STX7: variants seen among roughly 807,000 people sequenced by gnomAD.
STX7 encodes syntaxin-7.
STX7 carries 34 observed loss-of-function variants against 39.6 expected under a neutral mutation model. The ratio of observed to expected loss-of-function variants is 0.86; its 90% confidence interval spans 0.65 to 1.14. The LOEUF is 1.14. Ranked by LOEUF, STX7 falls within the 50% of genes most tolerant of loss-of-function variation. The probability of loss-of-function intolerance (pLI) is 0.00; values close to 1 mark genes in which losing one functional copy is unlikely to be tolerated. For missense variants in STX7, 284 were observed against 310.4 expected (o/e 0.92, Z 0.64); for synonymous variants, 119 against 99.1 (o/e 1.20, Z -1.19).
chr6:132,512,721 G>C (rs1012898480), intron 1 of STX7, among the ~76,000 whole-genome samples: 2 of 152,130 alleles, frequency 1.3e-5, no homozygotes, highest in African/African-American at 2.4e-5. Context: ...GCTCTGCCCA[G>C]GGGACCGCGG....
Position 132,447,055 on chromosome 6 carries a change from T to C in STX7, c.*13703A>G, listed in dbSNP as rs879713881. On this transcript the variant is annotated 3_prime_UTR_variant, in exon 10 of 10. Transcript: ENST00000367941. ...ATTTTTATGATGGCTCAGCGGAAAATTAGTAAATACAACCAGTGTGTTAGA... is the reference window on the plus strand; with the variant it reads ...ATTTTTATGATGGCTCAGCGGAAAACTAGTAAATACAACCAGTGTGTTAGA... 9 of 152,098 alleles carry C rather than the reference T, an allele frequency of 5.9e-5. No homozygotes were observed. Among genetic ancestry groups the C allele is most frequent in the African/African-American group, 2.2e-4 (9 of 41,420 alleles). The allele number at this position is 152,098 out of a possible 1,614,324, so 9.4% of individuals were successfully genotyped here.
At chr6:132,473,476 G>C (rs1774787217) in intron 3 of STX7, among the ~76,000 whole-genome samples, 1 of 144,722 alleles carries the variant, frequency 6.9e-6, no homozygotes, top group Non-Finnish European at 1.5e-5. Flanking sequence ...TATGTAAATA[G>C]TTGCTATATT....
intron 8 of STX7, 144 bp downstream of exon 8, chr6:132,468,259 T>C: frequency 3.0e-6 from 2 of 662,150 alleles, no homozygotes; most frequent in Non-Finnish European, 5.4e-6. Context: ...AGGGTGATGC[T>C]TACTGTGTTT....
intron 2 of STX7, among the ~76,000 whole-genome samples, chr6:132,496,264 T>G (rs1310441939): frequency 6.6e-6 from 1 of 152,116 alleles, no homozygotes; most frequent in East Asian, 1.9e-4. Context: ...GGTTATTATT[T>G]TAAAAAAAAA....
At chr6:132,471,007 AT>A (rs1774703951) in intron 5 of STX7, among the ~76,000 whole-genome samples, 1 of 152,190 alleles carries the variant, frequency 6.6e-6, no homozygotes. Context: ...TCAAAATTCT[AT>A]TGTAAAGCTT....
chr6:132,470,347 T>A (rs978012632), intron 6 of STX7, among the ~76,000 whole-genome samples: 1 of 152,152 alleles, frequency 6.6e-6, no homozygotes, highest in African/African-American at 2.4e-5. Flanking sequence ...AATGTCTATA[T>A]TAATAATTAA....
intron 2 of STX7, among the ~76,000 whole-genome samples, chr6:132,498,831 A>C (rs1352314501): frequency 3.3e-5 from 5 of 152,234 alleles, no homozygotes; most frequent in African/African-American, 9.6e-5. Context: ...ATTTTTAACA[A>C]TACTTTATCT....
chr6:132,480,074 C>T (rs1037808301), intron 2 of STX7, among the ~76,000 whole-genome samples: 1 of 152,094 alleles, frequency 6.6e-6, no homozygotes, highest in Admixed American at 6.6e-5. Context: ...TGTGGCCCGT[C>T]CCCACTCCCC....
chr6:132,476,823 G>T (rs953108524), intron 2 of STX7, among the ~76,000 whole-genome samples: 38 of 152,006 alleles, frequency 2.5e-4, no homozygotes, highest in African/African-American at 8.5e-4. Context: ...AAAAGGGGAG[G>T]ACCTACAGTT....
At chr6:132,512,836 C>A (rs1775887126) in intron 1 of STX7, among the ~76,000 whole-genome samples, 171 bp downstream of exon 1, 1 of 152,152 alleles carries the variant, frequency 6.6e-6, no homozygotes, top group Non-Finnish European at 1.5e-5. Flanking sequence ...GAGCCGCAGG[C>A]GCTCCGGGAG....
chr6:132,506,560 C>T (rs1775710165), intron 1 of STX7, among the ~76,000 whole-genome samples: 1 of 152,072 alleles, frequency 6.6e-6, no homozygotes, highest in East Asian at 1.9e-4. Context: ...CATCATCTCA[C>T]AACAGTCAGA....
chr6:132,490,034 A>G (rs1195614707), intron 2 of STX7, among the ~76,000 whole-genome samples: 1 of 152,208 alleles, frequency 6.6e-6, no homozygotes, highest in African/African-American at 2.4e-5. Context: ...TATTCATCCT[A>G]ACATTTTTCA....
chr6:132,486,741 ACT>A (rs1294410311), intron 2 of STX7, among the ~76,000 whole-genome samples: 1 of 138,258 alleles, frequency 7.2e-6, no homozygotes, highest in Non-Finnish European at 1.5e-5. Flanking sequence ...ACCTCAGCTT[ACT>A]GGAACCTCCT....
At chr6:132,468,575 G>A (rs1475454459) in intron 7 of STX7, 100 bp from the exon 8 acceptor site, 6 of 721,108 alleles carry the variant, frequency 8.3e-6, no homozygotes, top group South Asian at 3.7e-5. Flanking sequence ...ACACATGGGT[G>A]AGCATGCATC....
At position 132,454,913 on chromosome 6, in the gene STX7, A is replaced by G. The variant is rs1044420080; in HGVS notation, c.*5845T>C. ...AAAATAGTACTTAAATGTTAAAACT[A>G]TGATAACCTTTATGAGGCTGAACAT... On this transcript the variant is annotated 3_prime_UTR_variant, in exon 10 of 10. Transcript: ENST00000367941. 6.6e-6 allele frequency: 1 copy of G among 152,050 alleles called. No homozygotes were observed. Among genetic ancestry groups the G allele is most frequent in the African/African-American group, 2.4e-5 (1 of 41,436 alleles). The allele number at this position is 152,050 out of a possible 1,614,324, so 9.4% of individuals were successfully genotyped here. A position where few individuals can be genotyped will look rare whatever the true frequency, so the allele number is the denominator to read the frequency against.
intron 2 of STX7, among the ~76,000 whole-genome samples, chr6:132,492,264 G>C (rs1317227986): frequency 2.0e-5 from 3 of 152,136 alleles, no homozygotes; most frequent in Admixed American, 2.0e-4. Flanking sequence ...TGCTCAACGA[G>C]GAACTCCTCA....
chr6:132,478,878 G>A lies in STX7; in HGVS notation c.86-3216C>T, dbSNP rs999658514. On this transcript the variant is annotated intron_variant, in intron 2 of 9. Coordinates refer to ENST00000367941, the MANE Select transcript of STX7 (RefSeq NM_003569.3). ...GCGAGCCTTCACAGGCTTATCTCAC[G>A]GTTATGCACACTGTCTATCTTTGTA... Among the ~76,000 whole-genome samples the A allele has an allele frequency of 1.9e-4, 29 of 152,170 alleles. 1 individual carries two copies. Among genetic ancestry groups the A allele is most frequent in the African/African-American group, 6.5e-4 (27 of 41,444 alleles).
chr6:132,476,397 G>A lies in STX7; in HGVS notation c.86-735C>T, dbSNP rs1582658178. ...GAAATTAGACCAGTCTAGACTGTGG[G>A]ACAATCTACGAGATAACTTGCCTGG... On this transcript the variant is annotated intron_variant, in intron 2 of 9. Coordinates refer to ENST00000367941, the MANE Select transcript of STX7 (RefSeq NM_003569.3). Among the ~76,000 whole-genome samples, 4 of 152,022 alleles carry A rather than the reference G, an allele frequency of 2.6e-5. No individual in the cohort carries two copies. The East Asian group carries it at 7.7e-4, about 29-fold the overall frequency.
intron 9 of STX7, among the ~76,000 whole-genome samples, chr6:132,462,337 C>T (rs1214142555): frequency 1.3e-5 from 2 of 152,192 alleles, no homozygotes; most frequent in South Asian, 2.1e-4. Context: ...CGTCCCGCTT[C>T]GGGAGCTGGG....
Sources: gnomAD v4.1 joint callset for allele counts (sites outside exome capture counted in the v4.1 genomes callset) on GRCh38, gnomAD v4.1.1 for gene constraint, MANE v1.5 for transcripts, NCBI Gene and HGNC (gene_info 2026-07-23, HGNC 2026-07-21) for gene names.